DENND2B: variants seen among roughly 807,000 people sequenced by gnomAD.
DENND2B encodes DENN domain-containing protein 2B.
Under a neutral mutation model 116.0 loss-of-function variants are expected in DENND2B, and 32 were observed. The ratio of observed to expected loss-of-function variants is 0.28; its 90% confidence interval spans 0.21 to 0.37. DENND2B has a LOEUF of 0.37. Ranked by LOEUF, DENND2B falls within the 10% of genes least tolerant of loss-of-function variation. The probability of loss-of-function intolerance (pLI) is 1.00; values close to 1 mark genes in which losing one functional copy is unlikely to be tolerated. For synonymous variants in DENND2B, 588 were observed against 583.9 expected, an observed-to-expected ratio of 1.01 and a Z score of -0.10; for missense variants, 1,276 against 1,477.7, an observed-to-expected ratio of 0.86 and a Z score of 2.24.
intron 2 of DENND2B, among the ~76,000 whole-genome samples, chr11:8,863,965 C>T (rs547086446): frequency 1.8e-4 from 28 of 152,272 alleles, no homozygotes; most frequent in African/African-American, 6.7e-4. Flanking sequence ...TCAAGAAAAG[C>T]TTCTCCAGGC....
chr11:8,707,191 G>C lies in DENND2B; in HGVS notation c.2465C>G (p.Ser822Cys), dbSNP rs374674892. Residue 822 changes from serine (S) to cysteine (C), a missense_variant, in exon 13 of 20, where the codon TCC becomes TGC. Coordinates refer to ENST00000313726, the MANE Select transcript of DENND2B (RefSeq NM_213618.2). The surrounding 1 kb of genome is among the most constrained non-coding windows in gnomAD (Gnocchi z 4.8). ...LDEVERRRGI[S>C]AALVYPFMRS... is the part of the protein sequence containing the mutation. ...CATGAAAGGATAGACCAATGCAGCG[G>C]AGATCCCACGCCGGCGCTCCACCTC... 12 of 1,613,416 alleles carry C rather than the reference G, an allele frequency of 7.4e-6. No homozygotes were observed. The highest frequency in any genetic ancestry group is 2.7e-5 in the African/African-American group (2 of 74,922).
At chr11:8,861,448 A>AT (rs1318095417) in intron 2 of DENND2B, among the ~76,000 whole-genome samples, 4 of 152,220 alleles carry the variant, frequency 2.6e-5, no homozygotes, top group African/African-American at 7.2e-5. Context: ...ATAACAAATC[A>AT]TCAGGGAGAT....
chr11:8,903,942 A>G (rs551028551), intron 1 of DENND2B, among the ~76,000 whole-genome samples: 3 of 151,920 alleles, frequency 2.0e-5, no homozygotes, highest in African/African-American at 7.2e-5. Flanking sequence ...TAGACCTAAA[A>G]CAAGGAAAAA....
At chr11:8,731,232 G>C in intron 2 of DENND2B, 23 bp from the exon 3 acceptor site, 1 of 1,456,326 alleles carries the variant, frequency 6.9e-7, no homozygotes, top group Non-Finnish European at 9.1e-7. Flanking sequence ...CAAAACAAAG[G>C]AAAAGAAAAG....
intron 1 of DENND2B, among the ~76,000 whole-genome samples, chr11:8,777,138 AATGCCACGTGATAC>A (rs1366159637): frequency 1.3e-5 from 2 of 152,192 alleles, no homozygotes; most frequent in African/African-American, 4.8e-5. Flanking sequence ...TGTAGTAACA[AATGCCACGTGATAC>A]ATGCCTCACA....
At chr11:8,758,535 T>C (rs1200361941) in intron 1 of DENND2B, among the ~76,000 whole-genome samples, 3 of 152,266 alleles carry the variant, frequency 2.0e-5, no homozygotes, top group Admixed American at 6.5e-5. Flanking sequence ...ACTGGTGGTC[T>C]GCAGAAGCAA....
chr11:8,702,665 C>T lies in DENND2B; in HGVS notation c.2627G>A (p.Cys876Tyr). The T allele has an allele frequency of 6.2e-7, 1 of 1,614,022 alleles. No homozygotes were observed. Among genetic ancestry groups the T allele is most frequent in the South Asian group, 1.1e-5 (1 of 91,082 alleles). Residue 876 changes from cysteine (C) to tyrosine (Y), a missense_variant, in exon 14 of 20, where the codon TGC (cysteine) becomes TAC (tyrosine). Coordinates refer to ENST00000313726, the MANE Select transcript of DENND2B (RefSeq NM_213618.2). The surrounding 1 kb of genome is among the most constrained non-coding windows in gnomAD (Gnocchi z 4.6). Reference sequence around the variant, plus strand: ...GCGCACACTGAGGCAGGTAAAAAGGCACTCAAAGTCCACGTGCTCCAGCCT... The same window carrying T: ...GCGCACACTGAGGCAGGTAAAAAGGTACTCAAAGTCCACGTGCTCCAGCCT... ...DSRLEHVDFE[C>Y]LFTCLSVRQL...
upstream of DENND2B, among the ~76,000 whole-genome samples, chr11:8,815,612 G>A (rs1373000963): frequency 6.6e-6 from 1 of 152,014 alleles, no homozygotes; most frequent in African/African-American, 2.4e-5. Flanking sequence ...TGCCTTCAAG[G>A]TCCAACTCAT....
At chr11:8,799,759 G>A (rs187371405) in intron 1 of DENND2B, among the ~76,000 whole-genome samples, 2 of 151,272 alleles carry the variant, frequency 1.3e-5, no homozygotes, top group East Asian at 3.9e-4. Context: ...ATAGTTGCTG[G>A]GGTCATTCAA....
Position 8,731,137 on chromosome 11 carries a change from T to A in DENND2B, c.153A>T (p.Glu51Asp). The change falls in exon 3 of 20, where the codon GAA becomes GAT. Residue 51 changes from glutamate to aspartate, a missense_variant. Around this residue, in one of 2 missense-constraint regions of DENND2B, gnomAD observed 856 missense variants for 846.6 expected, o/e 1.01. Coordinates refer to ENST00000313726, the MANE Select transcript of DENND2B (RefSeq NM_213618.2). Reference sequence around the variant, plus strand: ...GGCTGGGGTACCTGCAGGCTGAGGTTTCACTATCACTGAGCGGGTAGATGG... The same window carrying A: ...GGCTGGGGTACCTGCAGGCTGAGGTATCACTATCACTGAGCGGGTAGATGG... The part of the protein sequence containing the change: ...RSPIYPLSDS[E>D]TSACRYPSHS... 6.3e-7 allele frequency: 1 copy of A among 1,586,434 alleles called. No individual in the cohort carries two copies. Among genetic ancestry groups the A allele is most frequent in the African/African-American group, 1.3e-5 (1 of 74,352 alleles).
intron 1 of DENND2B, among the ~76,000 whole-genome samples, chr11:8,897,439 T>G (rs1431549103): frequency 6.6e-6 from 1 of 152,146 alleles, no homozygotes; most frequent in Non-Finnish European, 1.5e-5. Flanking sequence ...GACAGTAAAA[T>G]CCATGAAAAT....
intron 18 of DENND2B, 105 bp downstream of exon 18, chr11:8,696,322 G>A: frequency 1.3e-6 from 2 of 1,505,404 alleles, no homozygotes; most frequent in Non-Finnish European, 1.8e-6. Context: ...GATGTTAAGA[G>A]GCCTGGCCCT....
In DENND2B at chr11:8,828,359, A is replaced by G. The variant is rs1161325381; in HGVS notation, c.-115+10951T>C. On this transcript the variant is annotated intron_variant, in intron 4 of 6. Coordinates refer to the DENND2B transcript ENST00000524757. ...TGCACCAAAATTCATTCAGGAGCCC[A>G]GCCCTGGGCAAAGCAAAGCCTCCTG... 3.9e-5 allele frequency among the ~76,000 whole-genome samples: 6 copies of G among 152,298 alleles called. No individual in the cohort carries two copies. In the East Asian group the frequency reaches 1.2e-3, roughly 29 times the overall value.
intron 1 of DENND2B, among the ~76,000 whole-genome samples, chr11:8,759,206 C>T (rs2054140901): frequency 6.6e-6 from 1 of 152,182 alleles, no homozygotes; most frequent in Non-Finnish European, 1.5e-5. Flanking sequence ...ACCTTCCTAT[C>T]CTAGAGCAAA....
chr11:8,801,608 T>G lies in DENND2B; in HGVS notation c.-26+8909A>C, dbSNP rs1280860153. On this transcript the variant is annotated intron_variant, in intron 1 of 19. Transcript: ENST00000313726. ...AGGAGAATTACTTGAATCCGGAAGG[T>G]AGAGGTTGCAGTGAGCCGAGATCGT... Among the ~76,000 whole-genome samples the G allele has an allele frequency of 2.7e-5, 4 of 147,576 alleles. No homozygotes were observed. In the Admixed American group the frequency reaches 2.7e-4, roughly 10 times the overall value.
chr11:8,843,028 T>TC (rs1416908054), intron 3 of DENND2B, among the ~76,000 whole-genome samples: 1 of 151,898 alleles, frequency 6.6e-6, no homozygotes, highest in Non-Finnish European at 1.5e-5. Context: ...TTCTCTCTTT[T>TC]TTTTTTGAAA....
chr11:8,899,404 G>C (rs565438786), intron 1 of DENND2B, among the ~76,000 whole-genome samples: 1 of 152,104 alleles, frequency 6.6e-6, no homozygotes, highest in African/African-American at 2.4e-5. Flanking sequence ...AAACACCAAG[G>C]TTAAACTGTT....
rs540063847 is a variant in DENND2B, at chr11:8,728,834, A to G, written c.1340+1116T>C. Among the ~76,000 whole-genome samples the G allele has an allele frequency of 7.9e-5, 12 of 152,354 alleles. No individual in the cohort carries two copies. In the South Asian group the frequency reaches 2.1e-3, roughly 26 times the overall value. On this transcript the variant is annotated intron_variant, in intron 3 of 19. Transcript: ENST00000313726. ...AGAACCATGTCCTATTTGCCTCTGC[A>G]TCCTCTTGACCAGCACAATCTTGGT... is the stretch of plus-strand genomic sequence containing the variant.
intron 4 of DENND2B, chr11:8,839,162 G>A (rs1193811807): frequency 6.6e-6 from 1 of 152,250 alleles, no homozygotes; most frequent in Non-Finnish European, 1.5e-5. Context: ...ATGAGAATGA[G>A]ATGGAAGCCC....
Sources: gnomAD v4.1 joint callset for allele counts (sites outside exome capture counted in the v4.1 genomes callset) on GRCh38, gnomAD v4.1.1 for gene constraint, gnomAD v4.1.1 regional missense constraint, Gnocchi (gnomAD v3.1) non-coding constraint, MANE v1.5 for transcripts, NCBI Gene and HGNC (gene_info 2026-07-23, HGNC 2026-07-21) for gene names.